Variants in COX5A observed in about 807,000 individuals in gnomAD.
The protein encoded by COX5A is cytochrome c oxidase subunit 5A, mitochondrial.
Under a neutral mutation model 16.1 loss-of-function variants are expected in COX5A, and 6 were observed. The ratio of observed to expected loss-of-function variants is 0.37; its 90% CI spans 0.20 to 0.73. The LOEUF is 0.73. Ranked by LOEUF, COX5A falls within the 30% of genes least tolerant of loss-of-function variation. The probability of loss-of-function intolerance (pLI) is 0.50; values close to 1 mark genes in which losing one functional copy is unlikely to be tolerated. For synonymous variants in COX5A, 73 were observed against 73.8 expected (o/e 0.99, Z 0.06); for missense variants, 159 against 194.9 (o/e 0.82, Z 1.10).
chr15:74,929,077 A>C (rs766352622), intron 2 of COX5A, 39 bp downstream of exon 2: 78 of 1,408,390 alleles, frequency 5.5e-5, no homozygotes, highest in Non-Finnish European at 7.7e-5. Context: ...GTTCATATTT[A>C]CACACCAAAA....
chr15:74,933,419 AT>A lies in COX5A; in HGVS notation c.101-4188del, dbSNP rs1157484865. Among the ~76,000 whole-genome samples the A allele has an allele frequency of 9.2e-3, 1,322 of 143,500 alleles. 14 individuals are homozygous for A. Among genetic ancestry groups the A allele is most frequent in the African/African-American group, 0.031 (1,228 of 39,764 alleles). The allele number at this position is 143,500 out of a possible 152,430, so 94.1% of individuals were successfully genotyped here. On this transcript the variant is annotated intron_variant, in intron 1 of 4. Transcript: ENST00000322347. ...GCAAGACTCCGTCTCAAAAAAAAAA[AT>A]ATCTATCTATCTATCTATCTATCTA...
intron 2 of COX5A, among the ~76,000 whole-genome samples, chr15:74,927,536 C>A (rs2065349671): frequency 6.6e-6 from 1 of 151,936 alleles, no homozygotes; most frequent in Admixed American, 6.6e-5. Flanking sequence ...AGATTCAAGG[C>A]TGGGCTCAGG....
chr15:74,929,296 G>A, intron 1 of COX5A, 64 bp from the exon 2 acceptor site: 1 of 1,175,692 alleles, frequency 8.5e-7, no homozygotes, highest in Non-Finnish European at 1.3e-6. Context: ...TTTGTTCAAT[G>A]CATTAAATTT....
At chr15:74,925,267 T>C (rs1222022790) in intron 3 of COX5A, among the ~76,000 whole-genome samples, 1 of 151,768 alleles carries the variant, frequency 6.6e-6, no homozygotes, top group South Asian at 2.1e-4. Context: ...CACGCAATGA[T>C]TGCACTCCAG....
chr15:74,921,427 GA>G, intron 4 of COX5A, among the ~76,000 whole-genome samples: 1 of 73,218 alleles, frequency 1.4e-5, no homozygotes, highest in South Asian at 3.8e-4. Context: ...AAAAAAAAAA[GA>G]AAAAGAATAT....
chr15:74,923,813 C>T (rs961381930), intron 3 of COX5A, 43 bp from the exon 4 acceptor site: 2 of 1,236,884 alleles, frequency 1.6e-6, no homozygotes, highest in African/African-American at 3.0e-5. Context: ...TCTCAAAAGC[C>T]ATGTCTATTA....
intron 1 of COX5A, among the ~76,000 whole-genome samples, chr15:74,936,314 CAAAA>C (rs146692196): frequency 0.086 from 12,935 of 150,334 alleles, 728 homozygotes; most frequent in East Asian, 0.28. Context: ...AACAAACAAA[CAAAA>C]AAAAACAAGG....
At chr15:74,931,691 C>T (rs1595862869) in intron 1 of COX5A, among the ~76,000 whole-genome samples, 1 of 151,816 alleles carries the variant, frequency 6.6e-6, no homozygotes, top group East Asian at 2.0e-4. Flanking sequence ...GTAGCTGAGA[C>T]TACAGGCGAG....
chr15:74,923,633 TG>T lies in COX5A; in HGVS notation c.*9+14del. The stretch of plus-strand genomic sequence containing the variant: ...TGGATTGTTTTCCTGCCTTCTTCAG[TG>T]GTTTGTCGCTTACCCATGCGGTTTA... On this transcript the variant is annotated intron_variant, in intron 4 of 4. Transcript: ENST00000322347. The T allele has an allele frequency of 4.2e-6, 6 of 1,429,562 alleles. No homozygotes were observed. Among genetic ancestry groups the T allele is most frequent in the Non-Finnish European group, 5.9e-6 (6 of 1,013,854 alleles). The allele number at this position is 1,429,562 out of a possible 1,614,324, so 88.6% of individuals were successfully genotyped here. A position where few individuals can be genotyped will look rare whatever the true frequency, so the allele number is the denominator to read the frequency against.
At position 74,920,039 on chromosome 15, in the gene COX5A, A is replaced by G; in HGVS notation, c.*413T>C. The G allele has an allele frequency of 3.3e-6, 1 of 300,720 alleles. No homozygotes were observed. The highest frequency in any genetic ancestry group is 6.0e-6 in the Non-Finnish European group (1 of 165,554). The allele number at this position is 300,720 out of a possible 1,614,324, so 18.6% of individuals were successfully genotyped here. A position where few individuals can be genotyped will look rare whatever the true frequency, so the allele number is the denominator to read the frequency against. Reference sequence around the variant, plus strand: ...ACAATTTGATCTATCCCCACAGACAACCAGTCCCCTAAGCCTAGGGTGTCA... The same window carrying G: ...ACAATTTGATCTATCCCCACAGACAGCCAGTCCCCTAAGCCTAGGGTGTCA... On this transcript the variant is annotated 3_prime_UTR_variant, in exon 5 of 5. Transcript: ENST00000322347.
Position 74,937,794 on chromosome 15 carries a change from G to A in COX5A, c.100+121C>T, listed in dbSNP as rs967871609. 3.8e-5 allele frequency: 23 copies of A among 599,514 alleles called. No homozygotes were observed. In the East Asian group the frequency reaches 6.7e-4, roughly 17 times the overall value. 37.1% of individuals were successfully genotyped at this position (599,514 alleles called of 1,614,324 possible). A position where few individuals can be genotyped will look rare whatever the true frequency, so the allele number is the denominator to read the frequency against. On this transcript the variant is annotated intron_variant, in intron 1 of 4. Coordinates refer to ENST00000322347, the MANE Select transcript of COX5A (RefSeq NM_004255.4). ...GCGGGCAGGGCGGCCCGCGGTCACC[G>A]GGTTCAGTAACCAGGGTAGGGCAAG...
In COX5A at chr15:74,926,723, C is replaced by T. The variant is rs976996622; in HGVS notation, c.339+43G>A. ...AATATTCTGATACCTCAGCAATAGCCCACTCATTTACAGAACAATTTTAGC... is the reference window on the plus strand; with the variant it reads ...AATATTCTGATACCTCAGCAATAGCTCACTCATTTACAGAACAATTTTAGC... On this transcript the variant is annotated intron_variant, in intron 3 of 4. Coordinates refer to ENST00000322347, the MANE Select transcript of COX5A (RefSeq NM_004255.4). 7 of 1,576,158 alleles carry T rather than the reference C, an allele frequency of 4.4e-6. No individual in the cohort carries two copies. The African/African-American group carries it at 5.5e-5, about 12-fold the overall frequency.
chr15:74,923,332 T>C (rs2065329983), intron 4 of COX5A, among the ~76,000 whole-genome samples: 1 of 151,098 alleles, frequency 6.6e-6, no homozygotes, highest in Non-Finnish European at 1.5e-5. Context: ...GGCTGAGGCT[T>C]GAATCCAGGA....
intron 4 of COX5A, among the ~76,000 whole-genome samples, chr15:74,922,976 C>T (rs2065328421): frequency 1.3e-5 from 2 of 151,774 alleles, no homozygotes; most frequent in South Asian, 4.2e-4. Flanking sequence ...ACTTTAAACA[C>T]ACCAAAGCAA....
rs1376769035 is a variant in COX5A at position 74,923,721 on chromosome 15, A to C, written c.389T>G (p.Leu130Arg). 6.2e-7 allele frequency: 1 copy of C among 1,611,876 alleles called. No homozygotes were observed. The highest frequency in any genetic ancestry group is 8.5e-7 in the Non-Finnish European group (1 of 1,179,698). Residue 130 changes from leucine (L) to arginine (R), a missense_variant, in exon 4 of 5, where the codon CTT (leucine) becomes CGT (arginine). Transcript: ENST00000322347. ...TCCCAGTTCATTTAAAGTTGGTCTA[A>C]GTTCCTGGATGACATAGGGGTAGAT... is the stretch of plus-strand genomic sequence containing the variant. ...KEIYPYVIQELRPTLNELGIS... is the reference protein window; with the variant it reads ...KEIYPYVIQERRPTLNELGIS...
At chr15:74,931,162 C>T (rs759513773) in intron 1 of COX5A, among the ~76,000 whole-genome samples, 9 of 151,458 alleles carry the variant, frequency 5.9e-5, no homozygotes, top group African/African-American at 1.9e-4. Flanking sequence ...CCTAAGGGAA[C>T]GTACACTCTA....
rs1016607099 is a variant in COX5A, at chr15:74,929,199, G to A, written c.134C>T (p.Ser45Leu). The A allele has an allele frequency of 1.4e-5, 23 of 1,613,826 alleles. No homozygotes were observed. The highest frequency in any genetic ancestry group is 6.7e-5 in the Admixed American group (4 of 59,980). Residue 45 changes from serine to leucine, a missense_variant, in exon 2 of 5, where the codon TCA becomes TTA. Physicochemically the swap from Ser to Leu is moderately radical, Grantham distance 145 (BLOSUM62 -2). Coordinates refer to ENST00000322347, the MANE Select transcript of COX5A (RefSeq NM_004255.4). ...IQSVRCYSHG[S>L]QETDEEFDAR... ...ATCAAACTCCTCATCTGTCTCCTGT[G>A]ACCCATGGGAATAGCAGCGAACTGA... is the stretch of plus-strand genomic sequence containing the variant.
At chr15:74,920,592 C>A in intron 4 of COX5A, 150 bp from the exon 5 acceptor site, 1 of 577,480 alleles carries the variant, frequency 1.7e-6, no homozygotes, top group Non-Finnish European at 3.0e-6. Context: ...TGTCAACCCA[C>A]AAGCGACTAG....
At chr15:74,936,302 C>A (rs1477004817) in intron 1 of COX5A, among the ~76,000 whole-genome samples, 9 of 148,138 alleles carry the variant, frequency 6.1e-5, no homozygotes, top group South Asian at 4.3e-4. Flanking sequence ...AAAACAAAAA[C>A]AAACAAACAA....
Sources: gnomAD v4.1 joint callset for allele counts (sites outside exome capture counted in the v4.1 genomes callset) on GRCh38, gnomAD v4.1.1 for gene constraint, MANE v1.5 for transcripts, NCBI Gene and HGNC (gene_info 2026-07-23, HGNC 2026-07-21) for gene names.